Variants in GLI3 observed in about 807,000 individuals in gnomAD.
The protein encoded by GLI3 is GLI family zinc finger 3.
In GLI3, 20 loss-of-function variants were observed where a neutral mutation model predicts 100.8. That is an observed-to-expected ratio of 0.20 (90% CI 0.14 to 0.29). The LOEUF (loss-of-function observed/expected upper bound fraction) is 0.29. Ranked by LOEUF, GLI3 falls within the 10% of genes least tolerant of loss-of-function variation. The pLI, the probability that GLI3 is intolerant of heterozygous loss-of-function variation, is 1.00. For missense variants in GLI3, 2,040 were observed against 2,128.5 expected (o/e 0.96, Z 0.82); for synonymous variants, 938 against 860.5 (o/e 1.09, Z -1.58).
chr7:42,030,726 GT>G (rs528255868), intron 7 of GLI3, among the ~76,000 whole-genome samples: 5 of 113,524 alleles, frequency 4.4e-5, no homozygotes, highest in African/African-American at 1.3e-4. Flanking sequence ...TTTGTTTCTT[GT>G]TTTTTTTTTG....
In GLI3 at chr7:41,964,858, C is replaced by T. The variant is rs369429854; in HGVS notation, c.4215G>A (p.Gln1405=). The change falls in exon 15 of 15, where the codon CAG becomes CAA. Residue 1405 remains glutamine (Q), a synonymous_variant. Transcript: ENST00000395925. ...GACTTGTGTCACTGAGCTGTCCTGA[C>T]TGCAGAGCAAGGCTGTCCCTCGGCA... ...QAMPRDSLAL[Q]SGQLSDTSQT... is the part of the protein sequence containing the mutation. 1.2e-6 allele frequency: 2 copies of T among 1,613,968 alleles called. No individual in the cohort carries two copies. Among genetic ancestry groups the T allele is most frequent in the Non-Finnish European group, 8.5e-7 (1 of 1,180,038 alleles).
intron 2 of GLI3, among the ~76,000 whole-genome samples, chr7:42,191,785 T>C (rs1385689843): frequency 1.3e-5 from 2 of 152,086 alleles, no homozygotes; most frequent in Non-Finnish European, 2.9e-5. Flanking sequence ...CTGTCCACCT[T>C]TTAAAGGTGA....
intron 4 of GLI3, among the ~76,000 whole-genome samples, chr7:42,070,405 C>T (rs796790897): frequency 1.3e-5 from 2 of 152,274 alleles, no homozygotes; most frequent in African/African-American, 4.8e-5. Context: ...TTGTGCTCAT[C>T]CAGGAAGTAG....
Position 41,972,282 on chromosome 7 carries a change from C to A in GLI3, c.2103+55G>T. 6.5e-7 allele frequency: 1 copy of A among 1,537,018 alleles called. No individual in the cohort carries two copies. Among genetic ancestry groups the A allele is most frequent in the Non-Finnish European group, 9.0e-7 (1 of 1,111,166 alleles). Reference sequence around the variant, plus strand: ...AAGTCCTGTCCCTCTATGCACCCTACCTGGCTCTTTTAAATGGGCCTGCTG... The same window carrying A: ...AAGTCCTGTCCCTCTATGCACCCTAACTGGCTCTTTTAAATGGGCCTGCTG... On this transcript the variant is annotated intron_variant, in intron 13 of 14. Coordinates refer to ENST00000395925, the MANE Select transcript of GLI3 (RefSeq NM_000168.6). The surrounding 1 kb of genome is among the most constrained non-coding windows in gnomAD (Gnocchi z 4.4).
rs374511501 is a variant in GLI3 at position 42,011,251 on chromosome 7, A to T, written c.1497+12217T>A. ...CCCAGCCCAGGGGAGCTTAGGCAGC[A>T]CTCAGGCAAGAAGGGGTGGTACTGA... On this transcript the variant is annotated intron_variant, in intron 10 of 14. Coordinates refer to ENST00000395925, the MANE Select transcript of GLI3 (RefSeq NM_000168.6). Among the ~76,000 whole-genome samples the T allele has an allele frequency of 1.6e-4, 24 of 152,312 alleles. 1 individual carries two copies. In the South Asian group the frequency reaches 5.0e-3, roughly 32 times the overall value.
At chr7:42,237,945 C>G (rs1461508612), upstream of GLI3, 2 of 147,478 alleles carry the variant, frequency 1.4e-5, no homozygotes, top group African/African-American at 5.0e-5. Context: ...GCCCGGGCGC[C>G]GCGAGCCACG....
chr7:42,222,082 C>T (rs965946615), intron 2 of GLI3, among the ~76,000 whole-genome samples: 1 of 152,164 alleles, frequency 6.6e-6, no homozygotes, highest in Admixed American at 6.5e-5. Flanking sequence ...CATGGAGGGA[C>T]CCAGAGAGAA....
At chr7:42,134,095 A>AAG (rs1786364939) in intron 3 of GLI3, among the ~76,000 whole-genome samples, 1 of 150,878 alleles carries the variant, frequency 6.6e-6, no homozygotes. Flanking sequence ...AAAAAAAAAA[A>AAG]GAAAAAAAAA....
chr7:42,182,678 A>G (rs1323775729), intron 2 of GLI3, among the ~76,000 whole-genome samples: 3 of 60,682 alleles, frequency 4.9e-5, no homozygotes, highest in Admixed American at 1.5e-4. Context: ...ATATATATAT[A>G]TATACACATG....
intron 4 of GLI3, among the ~76,000 whole-genome samples, chr7:42,061,310 T>C (rs557412176): frequency 6.6e-6 from 1 of 152,318 alleles, no homozygotes; most frequent in Admixed American, 6.5e-5. Context: ...TCTCATCTTC[T>C]AGCTAGTATA....
intron 3 of GLI3, among the ~76,000 whole-genome samples, chr7:42,105,334 G>T (rs554809109): frequency 2.0e-5 from 3 of 152,194 alleles, no homozygotes; most frequent in African/African-American, 7.2e-5. Flanking sequence ...TTTGGAAGCA[G>T]ATTACATCTT....
At chr7:42,089,644 C>T (rs914062169) in intron 3 of GLI3, among the ~76,000 whole-genome samples, 2 of 152,228 alleles carry the variant, frequency 1.3e-5, no homozygotes, top group Non-Finnish European at 2.9e-5. Flanking sequence ...ATCTGCTCTC[C>T]ATTTTGCCCA....
At chr7:42,246,325 T>C (rs1788971269) in intron 1 of GLI3, among the ~76,000 whole-genome samples, 1 of 152,216 alleles carries the variant, frequency 6.6e-6, no homozygotes, top group South Asian at 2.1e-4. Context: ...CCCTGACATG[T>C]TCATAGGGTT....
intron 13 of GLI3, among the ~76,000 whole-genome samples, chr7:41,971,793 C>T (rs1787370529): frequency 1.3e-5 from 2 of 152,214 alleles, no homozygotes; most frequent in South Asian, 2.1e-4. Context: ...CTCCTCAGCT[C>T]TTCCCTCTGG....
chr7:41,977,141 G>C (rs1460081127), intron 12 of GLI3, among the ~76,000 whole-genome samples: 1 of 152,170 alleles, frequency 6.6e-6, no homozygotes, highest in Non-Finnish European at 1.5e-5. Context: ...AAATAAAAGT[G>C]GATGACTTAG....
rs1268810083 is a variant in GLI3 at position 42,208,052 on chromosome 7, A to T, written c.124+15078T>A. On this transcript the variant is annotated intron_variant, in intron 2 of 14. Coordinates refer to ENST00000395925, the MANE Select transcript of GLI3 (RefSeq NM_000168.6). The stretch of plus-strand genomic sequence containing the variant: ...CACGTGCCTCTAGTCTCAGATACTC[A>T]GGAGGCTGAGGCAGGAGAATCACTT... 2.0e-5 allele frequency among the ~76,000 whole-genome samples: 3 copies of T among 152,150 alleles called. No homozygotes were observed. In the East Asian group the frequency reaches 5.8e-4, roughly 29 times the overall value.
At chr7:42,217,389 T>C (rs570285226) in intron 2 of GLI3, among the ~76,000 whole-genome samples, 18 of 152,310 alleles carry the variant, frequency 1.2e-4, no homozygotes, top group African/African-American at 3.6e-4. Context: ...GGGGCTCTTA[T>C]TAGAATCAGA....
At chr7:41,977,943 T>G (rs1562666773) in intron 11 of GLI3, 2 of 471,540 alleles carry the variant, frequency 4.2e-6, no homozygotes, top group Non-Finnish European at 3.6e-6. Context: ...GTCCTGAAGT[T>G]TTTTTTTTTA....
At chr7:42,088,402 T>C (rs1785149129) in intron 3 of GLI3, among the ~76,000 whole-genome samples, 1 of 152,194 alleles carries the variant, frequency 6.6e-6, no homozygotes, top group South Asian at 2.1e-4. Context: ...TCTTGTTGGC[T>C]ACCCTTCCCT....
Sources: gnomAD v4.1 joint callset for allele counts (sites outside exome capture counted in the v4.1 genomes callset) on GRCh38, gnomAD v4.1.1 for gene constraint, Gnocchi (gnomAD v3.1) non-coding constraint, MANE v1.5 for transcripts, NCBI Gene and HGNC (gene_info 2026-07-23, HGNC 2026-07-21) for gene names.